Variants in ARAP2 observed in about 807,000 individuals in gnomAD.
The protein encoded by ARAP2 is ArfGAP with RhoGAP domain, ankyrin repeat and PH domain 2, also known as arf-GAP with Rho-GAP domain, ANK repeat and PH domain-containing protein 2.
ARAP2 carries 148 observed loss-of-function variants against 194.5 expected under a neutral mutation model. That is an observed-to-expected ratio of 0.76 (90% confidence interval 0.67 to 0.87). The LOEUF (loss-of-function observed/expected upper bound fraction) is 0.87. Among genes scored for constraint, ARAP2 ranks in the 40% least tolerant of loss-of-function variants. The pLI, the probability that ARAP2 is intolerant of heterozygous loss-of-function variation, is 0.00. For synonymous variants in ARAP2, 695 were observed against 683.5 expected (o/e 1.02, Z -0.26); for missense variants, 2,128 against 1,989.7 (o/e 1.07, Z -1.32).
At chr4:36,024,942 T>C (rs1418057145) in intron 5 of ARAP2, among the ~76,000 whole-genome samples, 1 of 152,180 alleles carries the variant, frequency 6.6e-6, no homozygotes, top group Non-Finnish European at 1.5e-5. Context: ...CATCTTCCTG[T>C]CATCTGTAAG....
intron 19 of ARAP2, among the ~76,000 whole-genome samples, chr4:36,141,960 G>T (rs1287100590): frequency 6.6e-6 from 1 of 151,610 alleles, no homozygotes; most frequent in Non-Finnish European, 1.5e-5. Context: ...AACAAGGGTG[G>T]TACAATGAAA....
chr4:36,216,097 A>AG (rs1363475005), intron 2 of ARAP2, among the ~76,000 whole-genome samples: 2 of 150,670 alleles, frequency 1.3e-5, no homozygotes, highest in Non-Finnish European at 3.0e-5. Flanking sequence ...AAAAAAAAAA[A>AG]CAACGAAAAT....
intron 5 of ARAP2, among the ~76,000 whole-genome samples, chr4:36,019,482 T>A (rs2136811): frequency 0.3 from 44,145 of 148,510 alleles, 12,627 homozygotes; most frequent in African/African-American, 0.73. Context: ...ATTGTGATAC[T>A]CGCGATGATG....
chr4:36,164,950 T>C lies in ARAP2; in HGVS notation c.2137A>G (p.Ile713Val), dbSNP rs1237537186. The C allele has an allele frequency of 6.2e-7, 1 of 1,614,140 alleles. No homozygotes were observed. The change falls in exon 11 of 33, where the codon ATC (isoleucine) becomes GTC (valine). Residue 713 changes from isoleucine (I) to valine (V), a missense_variant. Transcript: ENST00000303965. The part of the protein sequence containing the change: ...CKAPDPDWAS[I>V]NLCVVICKKC... ...TTACAGATGACAACACAGAGATTGA[T>C]GGATGCCCAGTCAGGATCTGGGGCT...
chr4:36,171,952 T>C (rs545923892), intron 9 of ARAP2, among the ~76,000 whole-genome samples: 2 of 152,264 alleles, frequency 1.3e-5, no homozygotes, highest in South Asian at 4.1e-4. Flanking sequence ...TTATTCTTAT[T>C]ATGAAAAATA....
intron 2 of ARAP2, among the ~76,000 whole-genome samples, chr4:36,053,010 T>G (rs974947269): frequency 1.3e-4 from 19 of 151,732 alleles, no homozygotes; most frequent in South Asian, 4.2e-4. Context: ...GCATGCAGGG[T>G]TTTTTTTGTT....
At chr4:36,024,375 T>A (rs1717542982) in intron 5 of ARAP2, among the ~76,000 whole-genome samples, 1 of 152,202 alleles carries the variant, frequency 6.6e-6, no homozygotes, top group African/African-American at 2.4e-5. Flanking sequence ...ATGCATAACA[T>A]GTCTACTGAA....
At chr4:36,200,794 T>G (rs1578253154) in intron 6 of ARAP2, among the ~76,000 whole-genome samples, 1 of 152,354 alleles carries the variant, frequency 6.6e-6, no homozygotes, top group South Asian at 2.1e-4. Flanking sequence ...GCAACTAATT[T>G]CATTGTAATT....
At chr4:36,209,827 T>A (rs1034046566) in intron 6 of ARAP2, among the ~76,000 whole-genome samples, 1 of 152,244 alleles carries the variant, frequency 6.6e-6, no homozygotes, top group African/African-American at 2.4e-5. Flanking sequence ...GGACAAAAGT[T>A]TCTTTGTAAA....
chr4:36,053,014 TTTTG>T (rs1484310880), intron 2 of ARAP2, among the ~76,000 whole-genome samples: 1 of 152,088 alleles, frequency 6.6e-6, no homozygotes, highest in Non-Finnish European at 1.5e-5. Context: ...GCAGGGTTTT[TTTTG>T]TTTGTTTTAG....
intron 3 of ARAP2, among the ~76,000 whole-genome samples, chr4:36,051,391 C>G (rs560761917): frequency 6.6e-6 from 1 of 152,154 alleles, no homozygotes; most frequent in Admixed American, 6.5e-5. Context: ...GCAGGAGAAT[C>G]GCTTGAACCC....
At chr4:36,098,299 T>C (rs1715883151) in intron 27 of ARAP2, among the ~76,000 whole-genome samples, 1 of 152,084 alleles carries the variant, frequency 6.6e-6, no homozygotes, top group Non-Finnish European at 1.5e-5. Context: ...GCAATTCTCT[T>C]TGGGACTCAA....
intron 15 of ARAP2, among the ~76,000 whole-genome samples, chr4:36,156,587 C>T (rs892953494): frequency 2.0e-5 from 3 of 152,010 alleles, no homozygotes; most frequent in African/African-American, 7.2e-5. Flanking sequence ...AGGGTAAATA[C>T]AGAAAGACAA....
intron 31 of ARAP2, among the ~76,000 whole-genome samples, chr4:36,076,910 G>A (rs921272024): frequency 6.6e-6 from 1 of 152,082 alleles, no homozygotes; most frequent in Non-Finnish European, 1.5e-5. Context: ...CAAAAAACTA[G>A]AATTTTTTCT....
chr4:36,227,347 A>C (rs1047385567), intron 2 of ARAP2, among the ~76,000 whole-genome samples: 1 of 152,180 alleles, frequency 6.6e-6, no homozygotes, highest in Non-Finnish European at 1.5e-5. Context: ...TTAATACATG[A>C]CACTATATTG....
intron 19 of ARAP2, among the ~76,000 whole-genome samples, chr4:36,137,605 G>C (rs139997578): frequency 1.2e-3 from 185 of 151,794 alleles, no homozygotes; most frequent in African/African-American, 4.0e-3. Flanking sequence ...GACTGTCATT[G>C]AGCTTTTGAG....
intron 2 of ARAP2, among the ~76,000 whole-genome samples, chr4:36,216,870 C>A (rs1355503082): frequency 1.3e-5 from 2 of 152,152 alleles, no homozygotes; most frequent in Non-Finnish European, 2.9e-5. Flanking sequence ...GGTTGTTAGG[C>A]AATTTCATCA....
intron 1 of ARAP2, among the ~76,000 whole-genome samples, chr4:36,242,657 T>C (rs1025336637): frequency 6.6e-6 from 1 of 152,198 alleles, no homozygotes; most frequent in Non-Finnish European, 1.5e-5. Flanking sequence ...TCCATGAGCC[T>C]TACACTGCAA....
chr4:36,114,573 G>A (rs959708783), intron 25 of ARAP2, among the ~76,000 whole-genome samples: 1 of 151,910 alleles, frequency 6.6e-6, no homozygotes, highest in African/African-American at 2.4e-5. Context: ...AATTACATTC[G>A]GAATGACCTT....
Sources: gnomAD v4.1 joint callset for allele counts (sites outside exome capture counted in the v4.1 genomes callset) on GRCh38, gnomAD v4.1.1 for gene constraint, MANE v1.5 for transcripts, NCBI Gene and HGNC (gene_info 2026-07-23, HGNC 2026-07-21) for gene names.